MEI1: variants seen among roughly 807,000 people sequenced by gnomAD.
MEI1 encodes meiosis inhibitor protein 1.
MEI1 carries 103 observed loss-of-function variants against 146.2 expected under a neutral mutation model. That is an observed-to-expected ratio of 0.70 (90% CI 0.60 to 0.83). MEI1 has a LOEUF of 0.83. Among genes scored for constraint, MEI1 ranks in the 40% least tolerant of loss-of-function variants. The pLI, the probability that MEI1 is intolerant of heterozygous loss-of-function variation, is 0.00. For synonymous variants in MEI1, 652 were observed against 628.2 expected (o/e 1.04, Z -0.57); for missense variants, 1,529 against 1,533.0 (o/e 1.00, Z 0.04).
At chr22:41,712,105 G>A (rs2069620386) in intron 3 of MEI1, among the ~76,000 whole-genome samples, 1 of 134,174 alleles carries the variant, frequency 7.5e-6, no homozygotes, top group African/African-American at 2.9e-5. Flanking sequence ...TCGGGAGGCT[G>A]AGGCAGGAGA....
intron 26 of MEI1, among the ~76,000 whole-genome samples, chr22:41,790,809 T>C (rs1388435550): frequency 1.3e-5 from 2 of 152,068 alleles, no homozygotes; most frequent in African/African-American, 4.8e-5. Flanking sequence ...GCCAGGTTGG[T>C]CTCGAACTCC....
Position 41,703,360 on chromosome 22 carries a change from C to G in MEI1, c.204C>G (p.Cys68Trp). The G allele has an allele frequency of 6.2e-7, 1 of 1,612,694 alleles. No homozygotes were observed. The highest frequency in any genetic ancestry group is 8.5e-7 in the Non-Finnish European group (1 of 1,179,326). The stretch of plus-strand genomic sequence containing the variant: ...TGCGCAAGAAGCACATGTTGTCCTG[C>G]TTCCAAGATGCCCTTGTGAGGCATA... ...SLVRKKHMLS[C>W]FQDALVRHTS... Residue 68 changes from cysteine to tryptophan, a missense_variant, in exon 2 of 31, where the codon TGC (cysteine) becomes TGG (tryptophan). Coordinates refer to ENST00000401548, the MANE Select transcript of MEI1 (RefSeq NM_152513.4).
intron 7 of MEI1, among the ~76,000 whole-genome samples, chr22:41,729,410 A>G (rs963875509): frequency 2.6e-5 from 4 of 152,184 alleles, no homozygotes; most frequent in Admixed American, 2.0e-4. Flanking sequence ...TGGTGATAAC[A>G]GTTACAGTGT....
Position 41,752,542 on chromosome 22 carries a change from G to A in MEI1, c.1793-49G>A. The A allele has an allele frequency of 2.0e-6, 3 of 1,517,772 alleles. No individual in the cohort carries two copies. The South Asian group carries it at 3.6e-5, about 18-fold the overall frequency. The allele number at this position is 1,517,772 out of a possible 1,614,324, so 94.0% of individuals were successfully genotyped here. On this transcript the variant is annotated intron_variant, in intron 15 of 30. Coordinates refer to ENST00000401548, the MANE Select transcript of MEI1 (RefSeq NM_152513.4). ...ACCACCCAGGCTTGGGACTCTCTGT[G>A]ACAAGTCTGGTTTAAACTGCTCTCT...
At chr22:41,756,837 C>G (rs1157018755) in intron 17 of MEI1, among the ~76,000 whole-genome samples, 1 of 152,218 alleles carries the variant, frequency 6.6e-6, no homozygotes, top group Non-Finnish European at 1.5e-5. Context: ...CGTAAGAAAT[C>G]TAGAAGTCTC....
At chr22:41,721,230 G>A (rs972141797) in intron 6 of MEI1, among the ~76,000 whole-genome samples, 38 of 135,210 alleles carry the variant, frequency 2.8e-4, no homozygotes, top group African/African-American at 9.8e-4. Context: ...TAGCCACCAC[G>A]CCCGTTCTTT....
chr22:41,779,128 C>T (rs1046951653), intron 22 of MEI1, among the ~76,000 whole-genome samples: 1 of 151,968 alleles, frequency 6.6e-6, no homozygotes, highest in African/African-American at 2.4e-5. Flanking sequence ...AGTTCAAGAC[C>T]AGCCTGGGCA....
intron 3 of MEI1, chr22:41,709,376 C>T (rs1477285661): frequency 1.4e-6 from 1 of 726,316 alleles, no homozygotes; most frequent in Non-Finnish European, 2.5e-6. Flanking sequence ...GGCTTGGGCT[C>T]TGGCTTTGGA....
rs2068856378 is a variant in MEI1 at position 41,703,402 on chromosome 22, A to G, written c.246A>G (p.Gln82=). ...TGAGGCATACCTCCCTGGTCACGCA[A>G]CTGGTGTCTCAGGATCAGAGAGTCT... ...ALVRHTSLVT[Q]LVSQDQRVCI... Residue 82 remains glutamine, a synonymous_variant, in exon 2 of 31, where the codon CAA becomes CAG. Coordinates refer to ENST00000401548, the MANE Select transcript of MEI1 (RefSeq NM_152513.4). 9 of 1,609,938 alleles carry G rather than the reference A, an allele frequency of 5.6e-6. No individual in the cohort carries two copies. Among genetic ancestry groups the G allele is most frequent in the South Asian group, 1.1e-5 (1 of 90,074 alleles).
At chr22:41,718,300 G>A (rs551965528) in intron 6 of MEI1, 26 bp downstream of exon 6, 1 of 1,605,086 alleles carries the variant, frequency 6.2e-7, no homozygotes, top group East Asian at 2.2e-5. Context: ...GGAGAAAAAA[G>A]GGAGAATAAG....
At chr22:41,761,617 T>G (rs2074501373) in intron 18 of MEI1, among the ~76,000 whole-genome samples, 1 of 151,978 alleles carries the variant, frequency 6.6e-6, no homozygotes, top group Admixed American at 6.6e-5. Flanking sequence ...CCCGGCCGAC[T>G]CAGTCTTAAA....
At chr22:41,782,972 C>T (rs2075819601) in intron 24 of MEI1, among the ~76,000 whole-genome samples, 1 of 152,158 alleles carries the variant, frequency 6.6e-6, no homozygotes, top group Non-Finnish European at 1.5e-5. Flanking sequence ...CATGTCCTAT[C>T]ATTGCAGCCA....
intron 30 of MEI1, among the ~76,000 whole-genome samples, chr22:41,798,053 C>T (rs1300086970): frequency 6.6e-6 from 1 of 151,616 alleles, no homozygotes; most frequent in Non-Finnish European, 1.5e-5. Context: ...AGGAGCTAGT[C>T]CTTCCCCCAT....
rs761815926 is a variant in MEI1 at position 41,718,124 on chromosome 22, C to G, written c.583C>G (p.Gln195Glu). ...RGLVYPSEGI[Q>E]ASVCYLYGKL... The stretch of plus-strand genomic sequence containing the variant: ...CTTAGTATACCCCAGTGAGGGCATA[C>G]AAGCTTCTGTCTGTTACCTTTATGG... Residue 195 changes from glutamine to glutamate, a missense_variant, in exon 6 of 31, where the codon CAA (glutamine) becomes GAA (glutamate). By Grantham distance (29) the Gln-to-Glu change is conservative (BLOSUM62 2). Coordinates refer to ENST00000401548, the MANE Select transcript of MEI1 (RefSeq NM_152513.4). 6.2e-6 allele frequency: 10 copies of G among 1,613,648 alleles called. No homozygotes were observed. In the East Asian group the frequency reaches 2.2e-4, roughly 36 times the overall value.
chr22:41,729,755 GCCTTCAT>G lies in MEI1; in HGVS notation c.958_964del (p.Phe320ThrfsTer27), dbSNP rs2071689175. 1.9e-6 allele frequency: 3 copies of G among 1,609,158 alleles called. No homozygotes were observed. The highest frequency in any genetic ancestry group is 2.5e-6 in the Non-Finnish European group (3 of 1,178,166). On this transcript the variant is annotated frameshift_variant, in exon 8 of 31. Coordinates refer to ENST00000401548, the MANE Select transcript of MEI1 (RefSeq NM_152513.4). LOFTEE classifies it high-confidence loss of function. ...CCACTCCCCAGCAAAGCATGCGTCAGCCTTCATCCACGCTGACATCCCAGGTAGGGGA... is the reference window on the plus strand; with the variant it reads ...CCACTCCCCAGCAAAGCATGCGTCAGCCACGCTGACATCCCAGGTAGGGGA...
chr22:41,716,047 A>C lies in MEI1; in HGVS notation c.430A>C (p.Asn144His), dbSNP rs867203967. Reference sequence around the variant, plus strand: ...GCATATTCACTTTCTGTAGCTGTGTAACATGCCCTCCATGCGAGGCAGCCT... The same window carrying C: ...GCATATTCACTTTCTGTAGCTGTGTCACATGCCCTCCATGCGAGGCAGCCT... ...LLDECHKELC[N>H]MPSMRGSLAT... Residue 144 changes from asparagine (N) to histidine (H), a missense_variant, in exon 5 of 31, where the codon AAC (asparagine) becomes CAC (histidine). Around this residue, in one of 3 missense-constraint regions of MEI1, gnomAD observed 1,212 missense variants for 1,178.9 expected, o/e 1.03. Transcript: ENST00000401548. 1 of 1,607,700 alleles carries C rather than the reference A, an allele frequency of 6.2e-7. No individual in the cohort carries two copies. The highest frequency in any genetic ancestry group is 8.5e-7 in the Non-Finnish European group (1 of 1,176,926).
chr22:41,739,270 T>A (rs1466588286), intron 11 of MEI1, among the ~76,000 whole-genome samples: 2 of 152,244 alleles, frequency 1.3e-5, no homozygotes, highest in African/African-American at 2.4e-5. Context: ...TTGTCTTCTC[T>A]ACATGTCCTT....
intron 17 of MEI1, among the ~76,000 whole-genome samples, chr22:41,756,208 C>T (rs1442583600): frequency 1.3e-5 from 2 of 152,040 alleles, no homozygotes; most frequent in Non-Finnish European, 2.9e-5. Flanking sequence ...GATGTCAGCT[C>T]ACTGCAACCT....
At chr22:41,762,319 C>T in intron 18 of MEI1, among the ~76,000 whole-genome samples, 1 of 151,292 alleles carries the variant, frequency 6.6e-6, no homozygotes, top group East Asian at 1.9e-4. Context: ...CCTTCACCTC[C>T]CTTCCTCTTA....
Sources: gnomAD v4.1 joint callset for allele counts (sites outside exome capture counted in the v4.1 genomes callset) on GRCh38, gnomAD v4.1.1 for gene constraint, gnomAD v4.1.1 regional missense constraint, MANE v1.5 for transcripts, NCBI Gene and HGNC (gene_info 2026-07-23, HGNC 2026-07-21) for gene names.